Variants in SH3GL2 observed in about 807,000 individuals in gnomAD.
SH3GL2 encodes SH3 domain containing GRB2 like 2, endophilin A1.
A neutral mutation model predicts 46.0 loss-of-function variants in SH3GL2; 24 were observed. The ratio of observed to expected loss-of-function variants is 0.52; its 90% CI spans 0.38 to 0.73. The LOEUF is 0.73. SH3GL2 is among the 30% of genes least tolerant of loss of function. The probability of loss-of-function intolerance (pLI) is 0.00; values close to 1 mark genes in which losing one functional copy is unlikely to be tolerated. For missense variants in SH3GL2, 413 were observed against 424.2 expected, an observed-to-expected ratio of 0.97 and a Z score of 0.23; for synonymous variants, 196 against 147.1, an observed-to-expected ratio of 1.33 and a Z score of -2.40.
At chr9:17,750,331 A>C (rs1352430470) in intron 2 of SH3GL2, among the ~76,000 whole-genome samples, 9 of 149,008 alleles carry the variant, frequency 6.0e-5, no homozygotes, top group Non-Finnish European at 1.4e-4. Flanking sequence ...TAGATAACAA[A>C]ATGAAATAAA....
intron 3 of SH3GL2, 61 bp downstream of exon 3, chr9:17,761,570 T>C (rs1197902670): frequency 9.8e-7 from 1 of 1,023,092 alleles, no homozygotes; most frequent in South Asian, 1.3e-5. Flanking sequence ...TTCTCTTTGA[T>C]AGACATTTTA....
intron 1 of SH3GL2, among the ~76,000 whole-genome samples, chr9:17,700,882 G>T (rs1308005691): frequency 6.6e-6 from 1 of 152,154 alleles, no homozygotes; most frequent in Non-Finnish European, 1.5e-5. Flanking sequence ...AATTATGTTT[G>T]CACCAACCTA....
At chr9:17,688,742 A>C (rs1455992144) in intron 1 of SH3GL2, among the ~76,000 whole-genome samples, 1 of 152,124 alleles carries the variant, frequency 6.6e-6, no homozygotes. Flanking sequence ...CAAAGACAGA[A>C]AAATTTGAAC....
chr9:17,718,070 C>T (rs1821803860), intron 1 of SH3GL2, among the ~76,000 whole-genome samples: 1 of 152,106 alleles, frequency 6.6e-6, no homozygotes, highest in Non-Finnish European at 1.5e-5. Context: ...GAATTCAAAT[C>T]TTGTAAGCTA....
intron 1 of SH3GL2, among the ~76,000 whole-genome samples, chr9:17,685,351 G>A (rs1308732345): frequency 1.3e-5 from 2 of 152,054 alleles, no homozygotes; most frequent in African/African-American, 2.4e-5. Context: ...ACTTTCGGTT[G>A]ATTGGATGAG....
At position 17,787,425 on chromosome 9, in the gene SH3GL2, AG is replaced by A. The variant is rs1823993366; in HGVS notation, c.379del (p.Val127SerfsTer7). 6.2e-6 allele frequency: 10 copies of A among 1,612,612 alleles called. No homozygotes were observed. The highest frequency in any genetic ancestry group is 8.5e-6 in the Non-Finnish European group (10 of 1,178,726). On this transcript the variant is annotated frameshift_variant, in exon 5 of 9. Coordinates refer to ENST00000380607, the MANE Select transcript of SH3GL2 (RefSeq NM_003026.5). LOFTEE classifies it high-confidence loss of function. ...GGGGAGGCCATGCGGGAACTGTCGGAGGTCAAAGACTCTTTGGACATAGAAG... is the reference window on the plus strand; with the variant it reads ...GGGGAGGCCATGCGGGAACTGTCGGAGTCAAAGACTCTTTGGACATAGAAG... ...EVGEAMRELSEVKDSLDIEVK... is the reference protein window; with the variant it reads ...EVGEAMRELSXVKDSLDIEVK...
chr9:17,584,047 C>T (rs564105094), intron 1 of SH3GL2, among the ~76,000 whole-genome samples: 42 of 152,272 alleles, frequency 2.8e-4, no homozygotes, highest in Non-Finnish European at 4.3e-4. Flanking sequence ...TACCCTTTCA[C>T]ATTCTTAGCC....
intron 1 of SH3GL2, among the ~76,000 whole-genome samples, chr9:17,694,624 A>C (rs1821159953): frequency 6.6e-6 from 1 of 152,156 alleles, no homozygotes; most frequent in South Asian, 2.1e-4. Flanking sequence ...AAAGCAAGCA[A>C]ATATTTGAGA....
At chr9:17,766,635 C>T (rs1454019362) in intron 3 of SH3GL2, among the ~76,000 whole-genome samples, 1 of 151,942 alleles carries the variant, frequency 6.6e-6, no homozygotes, top group Non-Finnish European at 1.5e-5. Context: ...CCATTATAGC[C>T]AAAATATTAA....
intron 1 of SH3GL2, among the ~76,000 whole-genome samples, chr9:17,683,701 G>T (rs986006162): frequency 2.0e-5 from 3 of 151,982 alleles, no homozygotes; most frequent in African/African-American, 7.2e-5. Context: ...AATGCTGATG[G>T]TCTACTGCTA....
intron 1 of SH3GL2, among the ~76,000 whole-genome samples, chr9:17,597,069 G>C (rs1473742569): frequency 6.6e-6 from 1 of 152,148 alleles, no homozygotes; most frequent in Non-Finnish European, 1.5e-5. Flanking sequence ...GATGTTTCTG[G>C]GGATAATATT....
chr9:17,781,781 T>C (rs1823816691), intron 3 of SH3GL2, among the ~76,000 whole-genome samples: 1 of 152,120 alleles, frequency 6.6e-6, no homozygotes. Context: ...CTTTCCCAGG[T>C]CTCTCCCTTT....
chr9:17,655,182 A>G (rs891561071), intron 1 of SH3GL2, among the ~76,000 whole-genome samples: 5 of 152,184 alleles, frequency 3.3e-5, no homozygotes, highest in Non-Finnish European at 7.4e-5. Context: ...TCACAGTCCA[A>G]CAGGTGAGAA....
chr9:17,768,262 T>G (rs1332194638), intron 3 of SH3GL2, among the ~76,000 whole-genome samples: 1 of 151,326 alleles, frequency 6.6e-6, no homozygotes, highest in Non-Finnish European at 1.5e-5. Flanking sequence ...TCCCAGCTAC[T>G]TGGGAGGCTG....
rs754671237 is a variant in SH3GL2 at position 17,747,029 on chromosome 9, G to A, written c.46-37G>A. 5 of 1,394,702 alleles carry A rather than the reference G, an allele frequency of 3.6e-6. No homozygotes were observed. The African/African-American group carries it at 5.8e-5, about 16-fold the overall frequency. The allele number at this position is 1,394,702 out of a possible 1,614,324, so 86.4% of individuals were successfully genotyped here. ...TTCTAACACATTTTTTAAAGAAACT[G>A]TTTATAATAATTCTCCTTTGTGGTT... On this transcript the variant is annotated intron_variant, in intron 1 of 8. Transcript: ENST00000380607.
intron 3 of SH3GL2, among the ~76,000 whole-genome samples, chr9:17,776,039 A>G (rs1242444798): frequency 7.2e-5 from 11 of 152,184 alleles, no homozygotes; most frequent in Non-Finnish European, 1.6e-4. Context: ...GTCTTTCCCA[A>G]AATACTGCCA....
chr9:17,697,696 A>G (rs1413703946), intron 1 of SH3GL2, among the ~76,000 whole-genome samples: 2 of 152,166 alleles, frequency 1.3e-5, no homozygotes, highest in South Asian at 2.1e-4. Flanking sequence ...AAACCATATC[A>G]TTGCCCCCCG....
chr9:17,644,922 G>A (rs9407824), intron 1 of SH3GL2, among the ~76,000 whole-genome samples: 1 of 151,494 alleles, frequency 6.6e-6, no homozygotes, highest in African/African-American at 2.4e-5. Flanking sequence ...TGACAGTGGG[G>A]TGTTAAAGTC....
chr9:17,599,276 ATT>A (rs908088073), intron 1 of SH3GL2, among the ~76,000 whole-genome samples: 1 of 152,196 alleles, frequency 6.6e-6, no homozygotes, highest in African/African-American at 2.4e-5. Flanking sequence ...AGGCTGGTGA[ATT>A]TTTGCTACTT....
Sources: gnomAD v4.1 joint callset for allele counts (sites outside exome capture counted in the v4.1 genomes callset) on GRCh38, gnomAD v4.1.1 for gene constraint, MANE v1.5 for transcripts, NCBI Gene and HGNC (gene_info 2026-07-23, HGNC 2026-07-21) for gene names.